Variants in SRGAP2 observed in about 807,000 individuals in gnomAD.
SRGAP2 encodes SLIT-ROBO Rho GTPase-activating protein 2.
A neutral mutation model predicts 57.2 loss-of-function variants in SRGAP2; 15 were observed. The ratio of observed to expected loss-of-function variants is 0.26; its 90% CI spans 0.18 to 0.40. The LOEUF (loss-of-function observed/expected upper bound fraction) is 0.40. SRGAP2 is among the 10% of genes least tolerant of loss of function. The pLI, the probability that SRGAP2 is intolerant of heterozygous loss-of-function variation, is 1.00. For missense variants in SRGAP2, 520 were observed against 669.6 expected, an observed-to-expected ratio of 0.78 and a Z score of 2.47; for synonymous variants, 249 against 248.0, an observed-to-expected ratio of 1.00 and a Z score of -0.04.
chr1:206,417,623 T>C (rs1659852536), intron 11 of SRGAP2, among the ~76,000 whole-genome samples: 1 of 151,828 alleles, frequency 6.6e-6, no homozygotes. Context: ...TTTCACCATC[T>C]GGGCCAGGCT....
chr1:206,428,634 C>T (rs564031453), intron 13 of SRGAP2, among the ~76,000 whole-genome samples: 9 of 151,970 alleles, frequency 5.9e-5, no homozygotes, highest in Admixed American at 1.3e-4. Context: ...AGCTACTTAA[C>T]CTCACTAAGC....
At chr1:206,322,030 CAT>C (rs1207897674) in intron 3 of SRGAP2, among the ~76,000 whole-genome samples, 1 of 149,460 alleles carries the variant, frequency 6.7e-6, no homozygotes, top group South Asian at 2.1e-4. Flanking sequence ...TGTATGTACA[CAT>C]AGACACATAC....
chr1:206,232,189 GGC>G (rs1667686520), intron 2 of SRGAP2, among the ~76,000 whole-genome samples: 2 of 152,094 alleles, frequency 1.3e-5, no homozygotes, highest in South Asian at 4.1e-4. Flanking sequence ...AGACGGCCTG[GGC>G]GCTCACAGTA....
chr1:206,233,469 A>G, intron 2 of SRGAP2, among the ~76,000 whole-genome samples: 1 of 150,444 alleles, frequency 6.6e-6, no homozygotes, highest in Non-Finnish European at 1.5e-5. Flanking sequence ...CGACCTCTAG[A>G]GGATGCTCTA....
At chr1:206,311,368 T>A (rs1265818360) in intron 3 of SRGAP2, among the ~76,000 whole-genome samples, 1 of 152,158 alleles carries the variant, frequency 6.6e-6, no homozygotes, top group Non-Finnish European at 1.5e-5. Context: ...TTCTTCTGAT[T>A]GGAGGACTGG....
At chr1:206,298,359 C>G (rs1230525041) in intron 2 of SRGAP2, among the ~76,000 whole-genome samples, 1 of 152,202 alleles carries the variant, frequency 6.6e-6, no homozygotes, top group East Asian at 1.9e-4. Context: ...GTGTTTAATT[C>G]ATACACACAG....
intron 2 of SRGAP2, among the ~76,000 whole-genome samples, chr1:206,298,572 C>T (rs1331899218): frequency 6.6e-6 from 1 of 152,012 alleles, no homozygotes; most frequent in African/African-American, 2.4e-5. Flanking sequence ...AACATATTCA[C>T]AAGGTTGAGC....
intron 2 of SRGAP2, among the ~76,000 whole-genome samples, chr1:206,208,676 C>G (rs1319203996): frequency 6.6e-6 from 1 of 152,170 alleles, no homozygotes; most frequent in Non-Finnish European, 1.5e-5. Flanking sequence ...GCTCTGCCCC[C>G]GACTAGCTAG....
At chr1:206,435,194 G>A (rs782707525) in intron 14 of SRGAP2, among the ~76,000 whole-genome samples, 2 of 152,180 alleles carry the variant, frequency 1.3e-5, no homozygotes, top group Non-Finnish European at 2.9e-5. Flanking sequence ...TGTTGTTTCA[G>A]TTGGATTCAA....
intron 3 of SRGAP2, among the ~76,000 whole-genome samples, chr1:206,324,582 T>C (rs1290326444): frequency 6.6e-6 from 1 of 152,042 alleles, no homozygotes; most frequent in East Asian, 1.9e-4. Flanking sequence ...TGCACAATTG[T>C]GCCAGTGCCA....
At chr1:206,323,464 C>T (rs1250348976) in intron 3 of SRGAP2, among the ~76,000 whole-genome samples, 1 of 148,298 alleles carries the variant, frequency 6.7e-6, no homozygotes, top group African/African-American at 2.5e-5. Flanking sequence ...TCTAAGCAAG[C>T]CATCTTATGG....
At chr1:206,415,490 C>G (rs879986954) in intron 10 of SRGAP2, among the ~76,000 whole-genome samples, 4 of 152,112 alleles carry the variant, frequency 2.6e-5, no homozygotes, top group African/African-American at 7.2e-5. Context: ...AATGTCCCCC[C>G]CTCCTCCCAC....
intron 2 of SRGAP2, among the ~76,000 whole-genome samples, chr1:206,244,889 A>G (rs1296634429): frequency 2.6e-5 from 4 of 151,208 alleles, no homozygotes; most frequent in Non-Finnish European, 5.9e-5. Flanking sequence ...ATATAGATTT[A>G]TGAGAAATGA....
intron 2 of SRGAP2, among the ~76,000 whole-genome samples, chr1:206,289,471 G>A (rs1208727731): frequency 0.012 from 1,765 of 151,632 alleles, 12 homozygotes; most frequent in South Asian, 0.026. Flanking sequence ...TAGAGACGGG[G>A]TTTCACTGTG....
intron 3 of SRGAP2, among the ~76,000 whole-genome samples, chr1:206,341,361 C>A (rs1317661174): frequency 1.3e-5 from 2 of 152,186 alleles, no homozygotes; most frequent in African/African-American, 4.8e-5. Context: ...TGACAGTACT[C>A]GCTTTGCAGT....
At chr1:206,314,628 C>T (rs1672929912) in intron 3 of SRGAP2, among the ~76,000 whole-genome samples, 3 of 152,158 alleles carry the variant, frequency 2.0e-5, no homozygotes, top group Admixed American at 2.0e-4. Flanking sequence ...GATTTGCACA[C>T]GTGCACAGAG....
intron 3 of SRGAP2, among the ~76,000 whole-genome samples, chr1:206,313,608 T>C (rs1553324994): frequency 6.6e-6 from 1 of 152,200 alleles, no homozygotes; most frequent in Non-Finnish European, 1.5e-5. Flanking sequence ...GGGTTTGTAT[T>C]GTGGAGGGCC....
At chr1:206,299,329 T>C in intron 2 of SRGAP2, among the ~76,000 whole-genome samples, 1 of 132,762 alleles carries the variant, frequency 7.5e-6, no homozygotes, top group Middle Eastern at 3.5e-3. Flanking sequence ...TCGTGAAGCA[T>C]GGTGTAAGTG....
intron 13 of SRGAP2, among the ~76,000 whole-genome samples, chr1:206,426,816 G>A (rs1553366485): frequency 6.6e-6 from 1 of 152,030 alleles, no homozygotes; most frequent in Non-Finnish European, 1.5e-5. Flanking sequence ...CAGATAGTTT[G>A]GTTTTTTGCT....
Sources: allele counts gnomAD v4.1 joint callset (sites outside exome capture counted in the v4.1 genomes callset), GRCh38; gene constraint gnomAD v4.1.1; transcripts MANE v1.5; gene names NCBI Gene and HGNC (gene_info 2026-07-23, HGNC 2026-07-21).